The following VPS54 variants were observed in gnomAD, a reference collection of about 807,000 sequenced individuals.
The protein encoded by VPS54 is VPS54 subunit of GARP complex.
A neutral mutation model predicts 121.5 loss-of-function variants in VPS54; 45 were observed. That is an observed-to-expected ratio of 0.37 (90% CI 0.29 to 0.47). VPS54 has a LOEUF of 0.47. Among genes scored for constraint, VPS54 ranks in the 20% least tolerant of loss-of-function variants. VPS54 has a pLI of 0.99. For missense variants in VPS54, 1,090 were observed against 1,131.4 expected (o/e 0.96, Z 0.52); for synonymous variants, 371 against 385.8 (o/e 0.96, Z 0.45).
chr2:63,960,558 G>A (rs1675709436), intron 7 of VPS54, among the ~76,000 whole-genome samples: 1 of 152,150 alleles, frequency 6.6e-6, no homozygotes, highest in African/African-American at 2.4e-5. Context: ...TGTTTGCCAA[G>A]GCGGCATTCA....
At chr2:64,003,747 T>C (rs947325200) in intron 1 of VPS54, among the ~76,000 whole-genome samples, 6 of 151,810 alleles carry the variant, frequency 4.0e-5, no homozygotes, top group African/African-American at 1.5e-4. Context: ...GATGAGTAAA[T>C]AGAGATTTGA....
In VPS54 at chr2:64,015,422, G is replaced by A. The variant is rs149715328; in HGVS notation, c.-21+3516C>T. Among the ~76,000 whole-genome samples the A allele has an allele frequency of 7.2e-5, 11 of 151,828 alleles. No individual in the cohort carries two copies. The East Asian group carries it at 1.5e-3, about 21-fold the overall frequency. Reference sequence around the variant, plus strand: ...GTGTTAATCTAATTCACCAAACATCGCCCACTGAGACTATTCTCCCACCTG... The same window carrying A: ...GTGTTAATCTAATTCACCAAACATCACCCACTGAGACTATTCTCCCACCTG... On this transcript the variant is annotated intron_variant, in intron 1 of 22. Transcript: ENST00000272322.
intron 1 of VPS54, among the ~76,000 whole-genome samples, chr2:64,004,207 G>A (rs1027263810): frequency 6.6e-5 from 10 of 152,032 alleles, no homozygotes; most frequent in Admixed American, 2.0e-4. Context: ...AAGGAAAGGG[G>A]GTGGGGAAAG....
intron 3 of VPS54, 110 bp downstream of exon 3, chr2:63,981,536 G>A (rs939815184): frequency 1.6e-6 from 2 of 1,248,714 alleles, no homozygotes; most frequent in Admixed American, 2.5e-5. Context: ...TGAACGAAAA[G>A]AATACTATAG....
chr2:64,005,354 C>T (rs1158900967), intron 1 of VPS54, among the ~76,000 whole-genome samples: 1 of 151,920 alleles, frequency 6.6e-6, no homozygotes, highest in South Asian at 2.1e-4. Flanking sequence ...CCGCCCGCCT[C>T]GGCCTCCCAA....
At chr2:63,920,394 T>G (rs1673587039) in intron 14 of VPS54, 52 bp downstream of exon 14, 6 of 1,376,800 alleles carry the variant, frequency 4.4e-6, no homozygotes, top group Non-Finnish European at 5.7e-6. Flanking sequence ...TAACTGTGTT[T>G]CACAAAGAAA....
chr2:63,945,796 G>A (rs575619086), intron 9 of VPS54, among the ~76,000 whole-genome samples: 6 of 152,118 alleles, frequency 3.9e-5, no homozygotes, highest in Admixed American at 2.0e-4. Context: ...AAAGAAATTA[G>A]TATTAGAAGT....
intron 15 of VPS54, 107 bp from the exon 16 acceptor site, chr2:63,917,070 G>A (rs1450277267): frequency 9.5e-7 from 1 of 1,048,670 alleles, no homozygotes; most frequent in East Asian, 2.5e-5. Flanking sequence ...TCTCATTTCT[G>A]AAAATAAACA....
At chr2:63,984,280 T>C (rs1314587284) in intron 1 of VPS54, among the ~76,000 whole-genome samples, 1 of 152,234 alleles carries the variant, frequency 6.6e-6, no homozygotes, top group Non-Finnish European at 1.5e-5. Context: ...ACCCAACATA[T>C]ATTAAAGATT....
At chr2:63,901,529 G>A (rs1672679382) in intron 20 of VPS54, among the ~76,000 whole-genome samples, 1 of 152,216 alleles carries the variant, frequency 6.6e-6, no homozygotes, top group South Asian at 2.1e-4. Flanking sequence ...ATCAAAGGGA[G>A]AAGATCATAT....
chr2:63,993,540 A>T (rs1677430658), intron 1 of VPS54, among the ~76,000 whole-genome samples: 1 of 152,190 alleles, frequency 6.6e-6, no homozygotes, highest in Non-Finnish European at 1.5e-5. Context: ...TTGTCTGTTT[A>T]TCTGGACCAA....
chr2:63,959,408 T>G (rs1374215824), intron 7 of VPS54, among the ~76,000 whole-genome samples: 2 of 152,210 alleles, frequency 1.3e-5, no homozygotes, highest in Non-Finnish European at 2.9e-5. Flanking sequence ...AGTCAGAGAC[T>G]CAAGTTCTGA....
intron 7 of VPS54, among the ~76,000 whole-genome samples, chr2:63,954,041 A>G (rs557507390): frequency 1.3e-5 from 2 of 152,320 alleles, no homozygotes; most frequent in African/African-American, 4.8e-5. Flanking sequence ...AGTTCTGTCC[A>G]CTACAAAAGC....
intron 20 of VPS54, among the ~76,000 whole-genome samples, chr2:63,904,692 C>A (rs1005770663): frequency 2.0e-5 from 3 of 152,014 alleles, no homozygotes; most frequent in Admixed American, 1.3e-4. Context: ...CACTACCAAC[C>A]AACACCACTT....
chr2:63,917,858 T>C (rs1011083742), intron 15 of VPS54, among the ~76,000 whole-genome samples: 13 of 151,986 alleles, frequency 8.6e-5, no homozygotes, highest in East Asian at 3.9e-4. Flanking sequence ...CTTAGACAAG[T>C]TGCTTAACCT....
intron 11 of VPS54, among the ~76,000 whole-genome samples, chr2:63,935,202 G>A (rs898171007): frequency 4.6e-5 from 7 of 152,024 alleles, no homozygotes; most frequent in Admixed American, 3.3e-4. Context: ...TATTTTTTTA[G>A]TTGTATGAGC....
intron 3 of VPS54, among the ~76,000 whole-genome samples, chr2:63,978,119 T>C (rs1306895943): frequency 6.6e-6 from 1 of 152,242 alleles, no homozygotes; most frequent in Non-Finnish European, 1.5e-5. Context: ...GGCTGCGACC[T>C]TCACAGGTGC....
chr2:63,895,782 A>G (rs1266427907), intron 22 of VPS54, among the ~76,000 whole-genome samples: 1 of 152,220 alleles, frequency 6.6e-6, no homozygotes, highest in Non-Finnish European at 1.5e-5. Flanking sequence ...ATTGACTTAT[A>G]AAGAATGAGT....
At chr2:63,936,842 TC>T (rs1236975777) in intron 11 of VPS54, among the ~76,000 whole-genome samples, 1 of 152,072 alleles carries the variant, frequency 6.6e-6, no homozygotes, top group Non-Finnish European at 1.5e-5. Context: ...ACAAATGAAC[TC>T]TCACATATAC....
Sources: allele counts gnomAD v4.1 joint callset (sites outside exome capture counted in the v4.1 genomes callset), GRCh38; gene constraint gnomAD v4.1.1; transcripts MANE v1.5; gene names NCBI Gene and HGNC (gene_info 2026-07-23, HGNC 2026-07-21).